Variants in NEGR1 observed in about 807,000 individuals in gnomAD.
NEGR1 encodes the protein IgLON family member 4.
Under a neutral mutation model 40.9 loss-of-function variants are expected in NEGR1, and 10 were observed. That is an observed-to-expected ratio of 0.24 (90% CI 0.15 to 0.42). NEGR1 has a LOEUF of 0.42. Among genes scored for constraint, NEGR1 ranks in the 10% least tolerant of loss-of-function variants. The pLI is 1.00. For missense variants in NEGR1, 352 were observed against 438.9 expected (o/e 0.80, Z 1.77); for synonymous variants, 185 against 166.8 (o/e 1.11, Z -0.84).
intron 4 of NEGR1, among the ~76,000 whole-genome samples, chr1:71,694,953 T>A (rs1399833805): frequency 6.6e-6 from 1 of 151,778 alleles, no homozygotes; most frequent in Admixed American, 6.6e-5. Flanking sequence ...CTTCAGGTTA[T>A]CAGGGGATGT....
intron 1 of NEGR1, among the ~76,000 whole-genome samples, chr1:72,038,219 A>G (rs2100451460): frequency 1.3e-5 from 2 of 152,204 alleles, no homozygotes; most frequent in East Asian, 3.9e-4. Flanking sequence ...CTGCAGTTGC[A>G]CATACGATTA....
At chr1:71,555,130 T>C (rs1648214522) in intron 6 of NEGR1, among the ~76,000 whole-genome samples, 1 of 151,592 alleles carries the variant, frequency 6.6e-6, no homozygotes, top group African/African-American at 2.4e-5. Context: ...TGAGAAGCCC[T>C]AGTTGGCCAT....
At chr1:71,421,179 G>A (rs1173029095) in intron 6 of NEGR1, among the ~76,000 whole-genome samples, 1 of 151,936 alleles carries the variant, frequency 6.6e-6, no homozygotes, top group Non-Finnish European at 1.5e-5. Context: ...TCTTATGAAT[G>A]GCTAATTTAT....
At chr1:71,986,642 A>G (rs1353380386) in intron 1 of NEGR1, among the ~76,000 whole-genome samples, 1 of 151,962 alleles carries the variant, frequency 6.6e-6, no homozygotes, top group Non-Finnish European at 1.5e-5. Context: ...TAGTGTAGAA[A>G]TCAGGTTGGT....
At chr1:71,955,056 C>T (rs1646108210) in intron 1 of NEGR1, among the ~76,000 whole-genome samples, 1 of 152,058 alleles carries the variant, frequency 6.6e-6, no homozygotes, top group South Asian at 2.1e-4. Flanking sequence ...CGGATTTAAC[C>T]TCAATTCCAA....
chr1:71,555,069 A>C (rs1242276589), intron 6 of NEGR1, among the ~76,000 whole-genome samples: 2 of 151,616 alleles, frequency 1.3e-5, no homozygotes, highest in African/African-American at 4.8e-5. Flanking sequence ...AGGAGCAGCC[A>C]CTTCGAATTC....
chr1:72,205,756 CAAAAAAAAAAAAAAA>C (rs35490878), intron 1 of NEGR1, among the ~76,000 whole-genome samples: 1 of 30,888 alleles, frequency 3.2e-5, no homozygotes, highest in Non-Finnish European at 6.3e-5. Context: ...CCCATTTCTA[CAAAAAAAAAAAAAAA>C]AAAAAAAAAA....
rs142206149 is a variant in NEGR1, at chr1:71,586,661, G to A, written c.940+6156C>T. ...TGACTGCTTCAGCCTGCTGGTTATC[G>A]TCTCTCCCATATGCCACTAAATGAC... On this transcript the variant is annotated intron_variant, in intron 6 of 6. Transcript: ENST00000357731. Among the ~76,000 whole-genome samples the A allele has an allele frequency of 4.7e-3, 710 of 152,168 alleles. 2 individuals carry two copies. The highest frequency in any genetic ancestry group is 0.015 in the African/African-American group (633 of 41,530).
At chr1:72,023,835 ATT>A (rs1427983372) in intron 1 of NEGR1, among the ~76,000 whole-genome samples, 1 of 152,062 alleles carries the variant, frequency 6.6e-6, no homozygotes, top group Admixed American at 6.6e-5. Context: ...ATGTCATTAT[ATT>A]TTATTATATT....
intron 6 of NEGR1, among the ~76,000 whole-genome samples, chr1:71,501,474 T>A (rs570770115): frequency 1.3e-5 from 2 of 152,132 alleles, no homozygotes; most frequent in Non-Finnish European, 2.9e-5. Context: ...TTGTCCTGAA[T>A]TGGGAAATGT....
chr1:71,748,116 A>G (rs552326740), intron 3 of NEGR1, among the ~76,000 whole-genome samples: 8 of 152,194 alleles, frequency 5.3e-5, no homozygotes, highest in Non-Finnish European at 1.0e-4. Context: ...AATCCCAAAG[A>G]CATTAAATAC....
intron 4 of NEGR1, among the ~76,000 whole-genome samples, chr1:71,620,318 C>A (rs1166820700): frequency 6.6e-6 from 1 of 151,912 alleles, no homozygotes; most frequent in African/African-American, 2.4e-5. Flanking sequence ...AGCATGTTGA[C>A]CTTAGTCTGT....
intron 4 of NEGR1, among the ~76,000 whole-genome samples, chr1:71,624,628 A>C (rs1413270385): frequency 6.6e-6 from 1 of 151,888 alleles, no homozygotes; most frequent in Non-Finnish European, 1.5e-5. Context: ...AACCAAGAGC[A>C]TCCCTACTTC....
intron 1 of NEGR1, among the ~76,000 whole-genome samples, chr1:72,061,189 C>T (rs1647166826): frequency 6.6e-6 from 1 of 151,650 alleles, no homozygotes; most frequent in Non-Finnish European, 1.5e-5. Context: ...ATAATAACCT[C>T]TGTTTTCAAA....
intron 1 of NEGR1, among the ~76,000 whole-genome samples, chr1:71,995,228 T>G (rs958531817): frequency 1.3e-5 from 2 of 152,124 alleles, no homozygotes; most frequent in African/African-American, 2.4e-5. Context: ...ATCATAGATG[T>G]TAAAGGCTTC....
At chr1:71,613,312 G>A (rs950219540) in intron 4 of NEGR1, among the ~76,000 whole-genome samples, 1 of 152,072 alleles carries the variant, frequency 6.6e-6, no homozygotes, top group African/African-American at 2.4e-5. Flanking sequence ...TTGAGTAGCT[G>A]GAAGGTTATT....
chr1:71,684,921 T>C (rs959718024), intron 4 of NEGR1, among the ~76,000 whole-genome samples: 2 of 152,228 alleles, frequency 1.3e-5, no homozygotes, highest in African/African-American at 4.8e-5. Flanking sequence ...TCTTTTAACC[T>C]GTTTTCATTT....
At chr1:72,188,930 C>T (rs550500411) in intron 1 of NEGR1, among the ~76,000 whole-genome samples, 1 of 151,666 alleles carries the variant, frequency 6.6e-6, no homozygotes, top group East Asian at 1.9e-4. Context: ...AACCTTTACT[C>T]TTTCTTCAAT....
At chr1:71,626,785 C>T (rs1167988940) in intron 4 of NEGR1, among the ~76,000 whole-genome samples, 1 of 151,706 alleles carries the variant, frequency 6.6e-6, no homozygotes, top group Non-Finnish European at 1.5e-5. Context: ...ACAATGAACT[C>T]AAACAAATTT....
Sources: allele counts gnomAD v4.1 joint callset (sites outside exome capture counted in the v4.1 genomes callset), GRCh38; gene constraint gnomAD v4.1.1; transcripts MANE v1.5; gene names NCBI Gene and HGNC (gene_info 2026-07-23, HGNC 2026-07-21).